Variants in NCKAP5L observed in about 807,000 individuals in gnomAD.
The protein encoded by NCKAP5L is NCK associated protein 5 like, also known as nck-associated protein 5-like.
In NCKAP5L, 54 loss-of-function variants were observed where a neutral mutation model predicts 103.2. The ratio of observed to expected loss-of-function variants is 0.52; its 90% CI spans 0.42 to 0.66. The LOEUF is 0.66. NCKAP5L is among the 30% of genes least tolerant of loss of function. NCKAP5L has a pLI of 0.00. For synonymous variants in NCKAP5L, 762 were observed against 748.6 expected, an observed-to-expected ratio of 1.02 and a Z score of -0.29; for missense variants, 1,733 against 1,750.6, an observed-to-expected ratio of 0.99 and a Z score of 0.18.
intron 7 of NCKAP5L, 31 bp downstream of exon 7, chr12:49,798,319 G>A (rs1173619689): frequency 2.7e-6 from 4 of 1,493,810 alleles, no homozygotes; most frequent in East Asian, 4.9e-5. Flanking sequence ...AACATCAGTG[G>A]AGTACTGACC....
intron 1 of NCKAP5L, among the ~76,000 whole-genome samples, chr12:49,807,468 G>T (rs894386374): frequency 6.6e-6 from 1 of 152,168 alleles, no homozygotes; most frequent in Admixed American, 6.5e-5. Context: ...CTCCCAAGTG[G>T]CTGGGATGAG....
Position 49,797,005 on chromosome 12 carries a change from G to A in NCKAP5L, c.855C>T (p.Gly285=), listed in dbSNP as rs201276955. The A allele has an allele frequency of 9.3e-5, 147 of 1,586,150 alleles. No homozygotes were observed. The African/African-American group carries it at 1.8e-3, about 20-fold the overall frequency. ...GPSRGPPQAQ[G]TSSGPNCAPG... ...GGGCACAGTTTGGGCCAGAGCTGGT[G>A]CCCTGGGCCTGAGGAGGTCCCCTGC... Residue 285 remains glycine, a synonymous_variant, in exon 8 of 13, where the codon GGC becomes GGT. Coordinates refer to ENST00000335999, the MANE Select transcript of NCKAP5L (RefSeq NM_001037806.4). This position sits in a 1 kb window ranked among gnomAD's most constrained non-coding sequence, Gnocchi z 4.5.
At chr12:49,824,701 GTGCC>G (rs1315734106) in intron 1 of NCKAP5L, among the ~76,000 whole-genome samples, 1 of 152,246 alleles carries the variant, frequency 6.6e-6, no homozygotes, top group Non-Finnish European at 1.5e-5. Context: ...GGCCTGCTGC[GTGCC>G]TGGTACTGTG....
At chr12:49,809,419 C>A (rs1946215764) in intron 1 of NCKAP5L, among the ~76,000 whole-genome samples, 1 of 152,270 alleles carries the variant, frequency 6.6e-6, no homozygotes, top group East Asian at 1.9e-4. Flanking sequence ...CCCTGGTGAG[C>A]CCCTCATTCA....
rs1470333580 is a variant in NCKAP5L, at chr12:49,793,301, G to A, written c.3340+51C>T. The A allele has an allele frequency of 1.9e-6, 3 of 1,540,904 alleles. No homozygotes were observed. In the African/African-American group the frequency reaches 4.1e-5, roughly 21 times the overall value. On this transcript the variant is annotated intron_variant, in intron 10 of 12. Transcript: ENST00000335999. ...ACGGGAAGAAGTAAAGTGGGAAGAA[G>A]TGGGTAGGGGGGTGGGGGCAGGCCC... is the stretch of plus-strand genomic sequence containing the variant.
chr12:49,802,799 C>A, intron 5 of NCKAP5L, 159 bp downstream of exon 5: 2 of 766,492 alleles, frequency 2.6e-6, no homozygotes, highest in Non-Finnish European at 4.1e-6. Flanking sequence ...TTACCTAGTC[C>A]CACCTCTGTC....
intron 1 of NCKAP5L, among the ~76,000 whole-genome samples, chr12:49,818,426 T>G (rs1225893908): frequency 6.6e-6 from 1 of 152,146 alleles, no homozygotes; most frequent in Non-Finnish European, 1.5e-5. Context: ...CAATCAATCA[T>G]GGCTCACTGC....
chr12:49,817,393 T>G (rs1946310603), intron 1 of NCKAP5L, among the ~76,000 whole-genome samples: 1 of 152,178 alleles, frequency 6.6e-6, no homozygotes, highest in Admixed American at 6.5e-5. Flanking sequence ...CAATAGAGGT[T>G]AAAATCCTCT....
rs374112669 is a variant in NCKAP5L at position 49,796,918 on chromosome 12, G to C, written c.942C>G (p.Pro314=). Residue 314 remains proline (P), a synonymous_variant, in exon 8 of 13, where the codon CCC becomes CCG. Coordinates refer to ENST00000335999, the MANE Select transcript of NCKAP5L (RefSeq NM_001037806.4). ...EAGDPNEAPS[P]DTLLGALARR... Reference sequence around the variant, plus strand: ...GGGCCAGGGCACCGAGCAGGGTGTCGGGGCTGGGTGCCTCATTGGGGTCAC... The same window carrying C: ...GGGCCAGGGCACCGAGCAGGGTGTCCGGGCTGGGTGCCTCATTGGGGTCAC... The C allele has an allele frequency of 4.4e-5, 71 of 1,607,714 alleles. No individual in the cohort carries two copies. In the South Asian group the frequency reaches 7.9e-4, roughly 18 times the overall value.
chr12:49,813,589 G>A (rs1428019157), intron 1 of NCKAP5L, among the ~76,000 whole-genome samples: 5 of 151,972 alleles, frequency 3.3e-5, no homozygotes, highest in African/African-American at 7.3e-5. Flanking sequence ...GTGCAGTGGC[G>A]CGATTTCAGC....
chr12:49,805,408 A>G (rs1946168905), intron 2 of NCKAP5L: 1 of 152,212 alleles, frequency 6.6e-6, no homozygotes, highest in Non-Finnish European at 1.5e-5. Flanking sequence ...GCTTGAACTG[A>G]CTAGTCTTCA....
chr12:49,799,521 T>C (rs1946096157), intron 6 of NCKAP5L, among the ~76,000 whole-genome samples: 1 of 152,130 alleles, frequency 6.6e-6, no homozygotes. Flanking sequence ...CTTGCTATGT[T>C]GCCTAGGCTG....
rs373369624 is a variant in NCKAP5L, at chr12:49,795,599, G to A, written c.2261C>T (p.Ser754Phe). ...GTCCACCCGGGCCCCCATGGAGTGA[G>A]AGGAGTAGACTCGGGCCCCGGGATC... ...MGDPGARVYSSHSMGARVDLE... is the reference protein window; with the variant it reads ...MGDPGARVYSFHSMGARVDLE... The change falls in exon 8 of 13, where the codon TCT becomes TTT. Residue 754 changes from serine to phenylalanine, a missense_variant. Ser to Phe is a radical substitution (Grantham distance 155). Coordinates refer to ENST00000335999, the MANE Select transcript of NCKAP5L (RefSeq NM_001037806.4). 1.3e-6 allele frequency: 2 copies of A among 1,584,946 alleles called. No homozygotes were observed. The highest frequency in any genetic ancestry group is 1.7e-6 in the Non-Finnish European group (2 of 1,166,382).
At chr12:49,816,294 T>C (rs773068554) in intron 1 of NCKAP5L, among the ~76,000 whole-genome samples, 1 of 151,942 alleles carries the variant, frequency 6.6e-6, no homozygotes, top group African/African-American at 2.4e-5. Context: ...GCAGAACTGG[T>C]GATCTCCTTT....
Position 49,796,653 on chromosome 12 carries a change from G to C in NCKAP5L, c.1207C>G (p.Leu403Val). Residue 403 changes from leucine to valine, a missense_variant, in exon 8 of 13, where the codon CTC (leucine) becomes GTC (valine). Leu to Val is a conservative substitution (Grantham distance 32). Coordinates refer to ENST00000335999, the MANE Select transcript of NCKAP5L (RefSeq NM_001037806.4). ...CCCATGAACATGCTAAGGAAGGGGA[G>C]GGGCCCCTGGCCCTCTGAGGTAGCA... ...FGATSEGQGP[L>V]PFLSMFMGAG... 1 of 1,582,908 alleles carries C rather than the reference G, an allele frequency of 6.3e-7. No individual in the cohort carries two copies. The highest frequency in any genetic ancestry group is 8.6e-7 in the Non-Finnish European group (1 of 1,166,006).
rs551271839 is a variant in NCKAP5L, at chr12:49,810,547, C to T, written c.-98-4506G>A. Among the ~76,000 whole-genome samples, 5 of 152,296 alleles carry T rather than the reference C, an allele frequency of 3.3e-5. No individual in the cohort carries two copies. In the East Asian group the frequency reaches 7.7e-4, roughly 24 times the overall value. On this transcript the variant is annotated intron_variant, in intron 1 of 12. Transcript: ENST00000335999. ...GGGTCTGTAAGGTCAAAGCTGTTTT[C>T]CTAATACTACTACTAAGACACTATC...
chr12:49,808,353 T>C (rs911707855), intron 1 of NCKAP5L, among the ~76,000 whole-genome samples: 3 of 151,968 alleles, frequency 2.0e-5, no homozygotes, highest in African/African-American at 7.3e-5. Context: ...AGCGAGGGGG[T>C]CTGGGGTCAG....
chr12:49,795,246 G>T lies in NCKAP5L; in HGVS notation c.2614C>A (p.Gln872Lys). Residue 872 changes from glutamine to lysine, a missense_variant, in exon 8 of 13, where the codon CAG (glutamine) becomes AAG (lysine). Physicochemically the swap from Gln to Lys is moderately conservative, Grantham distance 53. Coordinates refer to ENST00000335999, the MANE Select transcript of NCKAP5L (RefSeq NM_001037806.4). ...TGTGGGGCCAGCCCCTCAGGGCCCT[G>T]ACTTGGGTCAGTGGGGCCAGGTACT... ...PLVPGPTDPS[Q>K]GPEGLAPHSA... The T allele has an allele frequency of 6.5e-7, 1 of 1,548,932 alleles. No individual in the cohort carries two copies. The highest frequency in any genetic ancestry group is 8.7e-7 in the Non-Finnish European group (1 of 1,148,894).
intron 6 of NCKAP5L, among the ~76,000 whole-genome samples, chr12:49,799,800 C>T (rs1462541648): frequency 6.6e-6 from 1 of 152,226 alleles, no homozygotes; most frequent in Admixed American, 6.5e-5. Flanking sequence ...TCCAGCCAAG[C>T]TGCACAGCTT....
Sources: allele counts gnomAD v4.1 joint callset (sites outside exome capture counted in the v4.1 genomes callset), GRCh38; gene constraint gnomAD v4.1.1; non-coding constraint Gnocchi (gnomAD v3.1); transcripts MANE v1.5; gene names NCBI Gene and HGNC (gene_info 2026-07-23, HGNC 2026-07-21).